The following FAM210A variants were observed in gnomAD, a reference collection of about 807,000 sequenced individuals.
FAM210A encodes the protein mitochondrial inner membrane scaffold 1.
In FAM210A, 13 loss-of-function variants were observed where a neutral mutation model predicts 25.3. The observed-to-expected ratio is 0.51, with a 90% CI of 0.33 to 0.82. FAM210A has a LOEUF of 0.82. FAM210A is among the 40% of genes least tolerant of loss of function. FAM210A has a pLI of 0.02. For missense variants in FAM210A, 319 were observed against 323.2 expected, an observed-to-expected ratio of 0.99 and a Z score of 0.10; for synonymous variants, 125 against 118.7, an observed-to-expected ratio of 1.05 and a Z score of -0.35.
intron 1 of FAM210A, among the ~76,000 whole-genome samples, chr18:13,698,829 C>G (rs550758816): frequency 2.6e-5 from 4 of 152,192 alleles, no homozygotes; most frequent in Non-Finnish European, 5.9e-5. Flanking sequence ...ACCCCTCCCC[C>G]CGATACCTAT....
intron 1 of FAM210A, among the ~76,000 whole-genome samples, chr18:13,686,160 A>T (rs2043595145): frequency 6.6e-6 from 1 of 152,184 alleles, no homozygotes; most frequent in Admixed American, 6.5e-5. Context: ...AAAGCAATAA[A>T]GGAATACTAT....
At chr18:13,672,977 T>G (rs917030023) in intron 2 of FAM210A, among the ~76,000 whole-genome samples, 1 of 152,232 alleles carries the variant, frequency 6.6e-6, no homozygotes, top group African/African-American at 2.4e-5. Context: ...GCTTCCTGAT[T>G]ATTAACATTC....
rs550266631 is a variant in FAM210A at position 13,692,695 on chromosome 18, C to T, written c.-28-10590G>A. Among the ~76,000 whole-genome samples, 8 of 152,266 alleles carry T rather than the reference C, an allele frequency of 5.3e-5. No homozygotes were observed. In the South Asian group the frequency reaches 1.7e-3, roughly 32 times the overall value. On this transcript the variant is annotated intron_variant, in intron 1 of 3. Transcript: ENST00000651643. The stretch of plus-strand genomic sequence containing the variant: ...GCAGAAATAAAGATGTTCTTTGAAA[C>T]CAATGAGAACAAAGACACAACATAC...
intron 2 of FAM210A, among the ~76,000 whole-genome samples, chr18:13,681,052 T>A (rs192610440): frequency 8.5e-5 from 13 of 152,338 alleles, no homozygotes; most frequent in African/African-American, 3.1e-4. Flanking sequence ...TCTTGCAAAT[T>A]TCCCACCAAA....
At chr18:13,725,018 C>T (rs1049230450) in intron 1 of FAM210A, among the ~76,000 whole-genome samples, 2 of 152,142 alleles carry the variant, frequency 1.3e-5, no homozygotes, top group Non-Finnish European at 1.5e-5. Context: ...GTGATCCAAC[C>T]GCCTCGGCCT....
chr18:13,689,958 C>A (rs1346325485), intron 1 of FAM210A, among the ~76,000 whole-genome samples: 1 of 152,188 alleles, frequency 6.6e-6, no homozygotes, highest in Non-Finnish European at 1.5e-5. Flanking sequence ...CAGGGCAGGG[C>A]ATCACCTCAC....
intron 2 of FAM210A, 99 bp downstream of exon 2, chr18:13,681,506 C>T (rs2043553253): frequency 1.9e-5 from 18 of 965,032 alleles, no homozygotes; most frequent in Non-Finnish European, 2.7e-5. Context: ...TGATGAAAAA[C>T]ATTAAAGCAT....
At chr18:13,692,406 AATAGACATCTACAG>A (rs2043653604) in intron 1 of FAM210A, among the ~76,000 whole-genome samples, 1 of 152,226 alleles carries the variant, frequency 6.6e-6, no homozygotes, top group Non-Finnish European at 1.5e-5. Context: ...CAATGGACCT[AATAGACATCTACAG>A]AACTCTCCAC....
chr18:13,666,845 T>C (rs1400234491), intron 3 of FAM210A, 132 bp from the exon 4 acceptor site: 1 of 722,974 alleles, frequency 1.4e-6, no homozygotes, highest in Non-Finnish European at 2.3e-6. Flanking sequence ...ACAAAGCTAA[T>C]GTAGTAATAT....
At chr18:13,719,914 G>T (rs1001548671) in intron 1 of FAM210A, among the ~76,000 whole-genome samples, 5 of 152,126 alleles carry the variant, frequency 3.3e-5, no homozygotes, top group Non-Finnish European at 5.9e-5. Context: ...CTATAAAATC[G>T]CTCCATGAGG....
At chr18:13,722,320 T>C (rs955312557) in intron 1 of FAM210A, among the ~76,000 whole-genome samples, 1 of 150,794 alleles carries the variant, frequency 6.6e-6, no homozygotes, top group African/African-American at 2.4e-5. Flanking sequence ...CCATCCCTGC[T>C]GCAGCTAAGG....
chr18:13,682,732 G>A (rs865965535), intron 1 of FAM210A, among the ~76,000 whole-genome samples: 4 of 152,270 alleles, frequency 2.6e-5, no homozygotes, highest in South Asian at 2.1e-4. Context: ...AGCCGGGAAT[G>A]GTGGTGTGTG....
At chr18:13,670,502 A>C (rs1786523) in intron 3 of FAM210A, among the ~76,000 whole-genome samples, 6 of 152,152 alleles carry the variant, frequency 3.9e-5, no homozygotes, top group Admixed American at 3.9e-4. Flanking sequence ...GTAAAACTGT[A>C]ATTCTTAGAT....
At chr18:13,711,109 C>G (rs191176006) in intron 1 of FAM210A, among the ~76,000 whole-genome samples, 1 of 152,188 alleles carries the variant, frequency 6.6e-6, no homozygotes, top group African/African-American at 2.4e-5. Context: ...CGGAGGCTCA[C>G]GCCTGTAATC....
At chr18:13,725,944 G>C (rs1346699890) in intron 1 of FAM210A, among the ~76,000 whole-genome samples, 2 of 152,208 alleles carry the variant, frequency 1.3e-5, no homozygotes, top group Non-Finnish European at 1.5e-5. Flanking sequence ...CAGTCTGCCA[G>C]TCCCTAATAA....
chr18:13,679,859 G>A (rs936887495), intron 2 of FAM210A, among the ~76,000 whole-genome samples: 1 of 152,156 alleles, frequency 6.6e-6, no homozygotes, highest in Non-Finnish European at 1.5e-5. Context: ...CAGCACTGAA[G>A]AAATCTTAAG....
At chr18:13,702,030 A>G (rs939339305) in intron 1 of FAM210A, among the ~76,000 whole-genome samples, 5 of 152,214 alleles carry the variant, frequency 3.3e-5, no homozygotes, top group African/African-American at 1.2e-4. Flanking sequence ...TGCAAAATTA[A>G]GAGACTTTTA....
intron 1 of FAM210A, among the ~76,000 whole-genome samples, chr18:13,713,909 A>G (rs146290772): frequency 5.3e-5 from 8 of 152,218 alleles, no homozygotes; most frequent in South Asian, 2.1e-4. Flanking sequence ...TTTACTAAGC[A>G]TCTCCCAGTT....
chr18:13,703,664 A>T (rs2043757659), intron 1 of FAM210A, among the ~76,000 whole-genome samples: 1 of 152,130 alleles, frequency 6.6e-6, no homozygotes, highest in African/African-American at 2.4e-5. Context: ...ACAACTACTT[A>T]ATTTTTTTCC....
Sources: gnomAD v4.1 joint callset for allele counts (sites outside exome capture counted in the v4.1 genomes callset) on GRCh38, gnomAD v4.1.1 for gene constraint, MANE v1.5 for transcripts, NCBI Gene and HGNC (gene_info 2026-07-23, HGNC 2026-07-21) for gene names.